The following NOX4 variants were observed in gnomAD, a reference collection of about 807,000 sequenced individuals.
NOX4 encodes kidney oxidase-1.
NOX4 carries 69 observed loss-of-function variants against 87.6 expected under a neutral mutation model. The observed-to-expected ratio is 0.79, with a 90% CI of 0.65 to 0.96. NOX4 has a LOEUF of 0.96. NOX4 is among the 40% of genes least tolerant of loss of function. The pLI is 0.00. For synonymous variants in NOX4, 275 were observed against 238.2 expected (o/e 1.15, Z -1.42); for missense variants, 680 against 681.5 (o/e 1.00, Z 0.02).
At chr11:89,543,966 A>G in the NOX4 span, among the ~76,000 whole-genome samples, 3 of 152,128 alleles carry the variant, frequency 2.0e-5, no homozygotes, top group East Asian at 5.8e-4. Flanking sequence ...AGAAAAGAAA[A>G]GGGGAACCTG....
intron 12 of NOX4, among the ~76,000 whole-genome samples, chr11:89,365,050 T>C (rs899524459): frequency 6.6e-6 from 1 of 152,026 alleles, no homozygotes; most frequent in African/African-American, 2.4e-5. Flanking sequence ...TTTTCTCCCC[T>C]CCCTCCTTTT....
intron 11 of NOX4, among the ~76,000 whole-genome samples, chr11:89,393,780 C>T (rs1941285032): frequency 6.6e-6 from 1 of 152,090 alleles, no homozygotes; most frequent in Non-Finnish European, 1.5e-5. Context: ...GAAACTGAGC[C>T]TTAGCAAGGT....
At chr11:89,446,992 A>T (rs1944738244) in intron 4 of NOX4, among the ~76,000 whole-genome samples, 3 of 151,954 alleles carry the variant, frequency 2.0e-5, no homozygotes, top group Admixed American at 2.0e-4. Flanking sequence ...ATATACAAAA[A>T]CTCTCTATAT....
intron 11 of NOX4, among the ~76,000 whole-genome samples, chr11:89,394,692 C>T (rs1941355662): frequency 6.6e-6 from 1 of 152,022 alleles, no homozygotes; most frequent in African/African-American, 2.4e-5. Context: ...GTGATGTTCC[C>T]CGCCCTGTGT....
Position 89,440,712 on chromosome 11 carries a change from G to C in NOX4, c.451C>G (p.Pro151Ala). The stretch of plus-strand genomic sequence containing the variant: ...CCAGTTGTGAAGAGAAGTTTTCTAG[G>C]ATCCTGAGAAAAAGAAAAAAAAATA... ...LNAARYRDED[P>A]RKLLFTTVPG... The change falls in exon 6 of 18, where the codon CCT becomes GCT. Residue 151 changes from proline to alanine, a missense_variant. By Grantham distance (27) the Pro-to-Ala change is conservative. Coordinates refer to ENST00000263317, the MANE Select transcript of NOX4 (RefSeq NM_016931.5). 1 of 1,532,388 alleles carries C rather than the reference G, an allele frequency of 6.5e-7. No homozygotes were observed. Among genetic ancestry groups the C allele is most frequent in the Non-Finnish European group, 8.9e-7 (1 of 1,122,002 alleles). The allele number at this position is 1,532,388 out of a possible 1,614,324, so 94.9% of individuals were successfully genotyped here.
chr11:89,438,876 A>T (rs1486011273), intron 6 of NOX4, among the ~76,000 whole-genome samples: 23 of 55,964 alleles, frequency 4.1e-4, no homozygotes, highest in Non-Finnish European at 5.7e-4. Context: ...TATATATATA[A>T]TATATAATAT....
chr11:89,534,404 T>C, the NOX4 span, among the ~76,000 whole-genome samples: 1 of 152,262 alleles, frequency 6.6e-6, no homozygotes, highest in African/African-American at 2.4e-5. Flanking sequence ...GCATGATCTA[T>C]AGGCTTGACC....
chr11:89,370,639 G>C (rs558669569), intron 12 of NOX4, among the ~76,000 whole-genome samples: 119 of 152,074 alleles, frequency 7.8e-4, no homozygotes, highest in African/African-American at 2.6e-3. Flanking sequence ...AAATCTACTT[G>C]GGTAATCCAC....
the NOX4 span, among the ~76,000 whole-genome samples, chr11:89,507,837 T>G: frequency 1.3e-5 from 2 of 151,800 alleles, no homozygotes; most frequent in Non-Finnish European, 2.9e-5. Context: ...CCACCAAGAA[T>G]AGCAGTGATG....
At chr11:89,407,270 T>A (rs1394543512) in intron 8 of NOX4, among the ~76,000 whole-genome samples, 1 of 151,946 alleles carries the variant, frequency 6.6e-6, no homozygotes, top group Non-Finnish European at 1.5e-5. Flanking sequence ...TAAATAATTT[T>A]AAAGCAAAAA....
At chr11:89,349,059 C>T (rs768706748) in intron 13 of NOX4, among the ~76,000 whole-genome samples, 18 of 152,014 alleles carry the variant, frequency 1.2e-4, no homozygotes, top group South Asian at 2.1e-4. Flanking sequence ...GAGACCAAGA[C>T]GGGTAGATCA....
chr11:89,490,715 C>T (rs371537801), intron 1 of NOX4, 162 bp from the exon 2 acceptor site: 1 of 707,478 alleles, frequency 1.4e-6, no homozygotes. Context: ...GAAAACCACT[C>T]AGAGGAAAAC....
intron 2 of NOX4, among the ~76,000 whole-genome samples, chr11:89,468,663 C>G: frequency 6.6e-6 from 1 of 151,958 alleles, no homozygotes; most frequent in East Asian, 1.9e-4. Flanking sequence ...CAAGAATTAA[C>G]CTATTCTATT....
chr11:89,528,222 C>T, the NOX4 span, among the ~76,000 whole-genome samples: 872 of 152,222 alleles, frequency 5.7e-3, 8 homozygotes, highest in African/African-American at 0.02. Context: ...GCCTGTACAC[C>T]CCTTGTATCT....
chr11:89,332,262 T>C (rs1395908057), intron 17 of NOX4, among the ~76,000 whole-genome samples: 1 of 151,768 alleles, frequency 6.6e-6, no homozygotes, highest in Non-Finnish European at 1.5e-5. Context: ...ACCTAGTTAT[T>C]CTTAAATTGT....
intron 12 of NOX4, among the ~76,000 whole-genome samples, chr11:89,362,299 G>A (rs1938589871): frequency 6.6e-6 from 1 of 152,046 alleles, no homozygotes; most frequent in Non-Finnish European, 1.5e-5. Context: ...TGTGATGCAT[G>A]TGCATGTGTT....
intron 12 of NOX4, among the ~76,000 whole-genome samples, chr11:89,357,822 A>G (rs1241883731): frequency 4.6e-5 from 7 of 152,158 alleles, no homozygotes; most frequent in Admixed American, 4.6e-4. Context: ...CTCTTTTTAC[A>G]TAACCATAAA....
chr11:89,575,635 G>A, the NOX4 span, among the ~76,000 whole-genome samples: 14 of 152,004 alleles, frequency 9.2e-5, no homozygotes, highest in African/African-American at 1.5e-4. Context: ...TAAAATTACA[G>A]TAGGAGCTGC....
chr11:89,449,978 A>T (rs1944883666), intron 3 of NOX4, among the ~76,000 whole-genome samples: 1 of 152,298 alleles, frequency 6.6e-6, no homozygotes, highest in African/African-American at 2.4e-5. Flanking sequence ...AAAAAATAAG[A>T]TTATTTTAAA....
Sources: allele counts gnomAD v4.1 joint callset (sites outside exome capture counted in the v4.1 genomes callset), GRCh38; gene constraint gnomAD v4.1.1; transcripts MANE v1.5; gene names NCBI Gene and HGNC (gene_info 2026-07-23, HGNC 2026-07-21).